The following TPD52 variants were observed in gnomAD, a reference collection of about 807,000 sequenced individuals.
The protein encoded by TPD52 is prostate and colon associated protein.
Under a neutral mutation model 31.3 loss-of-function variants are expected in TPD52, and 17 were observed. That is an observed-to-expected ratio of 0.54 (90% CI 0.37 to 0.82). The LOEUF (loss-of-function observed/expected upper bound fraction) is 0.82, where lower values mean the gene tolerates loss of function less well. TPD52 is among the 40% of genes least tolerant of loss of function. The pLI is 0.00. For missense variants in TPD52, 212 were observed against 240.1 expected, an observed-to-expected ratio of 0.88 and a Z score of 0.77; for synonymous variants, 83 against 89.6, an observed-to-expected ratio of 0.93 and a Z score of 0.42.
intron 1 of TPD52, among the ~76,000 whole-genome samples, chr8:80,119,636 G>A (rs1808112790): frequency 6.6e-6 from 1 of 152,078 alleles, no homozygotes; most frequent in Non-Finnish European, 1.5e-5. Flanking sequence ...TTTATACCTT[G>A]CTGTTCATGT....
At chr8:80,117,136 G>C (rs1461979944) in intron 1 of TPD52, among the ~76,000 whole-genome samples, 1 of 152,140 alleles carries the variant, frequency 6.6e-6, no homozygotes. Context: ...TTGAACTGGA[G>C]GTTCTAGCCA....
At chr8:80,149,176 G>T (rs1810404749) in intron 1 of TPD52, among the ~76,000 whole-genome samples, 1 of 152,164 alleles carries the variant, frequency 6.6e-6, no homozygotes, top group South Asian at 2.1e-4. Context: ...CGTGTGTTGT[G>T]GGAGGGACCC....
chr8:80,160,371 G>A (rs1811265373), intron 1 of TPD52, among the ~76,000 whole-genome samples: 2 of 152,082 alleles, frequency 1.3e-5, no homozygotes, highest in Non-Finnish European at 2.9e-5. Context: ...CTACCTTCCT[G>A]CAGCACTGAA....
At chr8:80,132,735 C>A (rs952368690) in intron 1 of TPD52, among the ~76,000 whole-genome samples, 1 of 152,192 alleles carries the variant, frequency 6.6e-6, no homozygotes, top group East Asian at 1.9e-4. Flanking sequence ...GAGCTGATGG[C>A]GCCAGAAGAT....
At position 80,038,058 on chromosome 8, in the gene TPD52, T is replaced by A; in HGVS notation, c.*58A>T. 5.0e-6 allele frequency: 8 copies of A among 1,589,462 alleles called. No homozygotes were observed. The South Asian group carries it at 7.8e-5, about 16-fold the overall frequency. ...TTCATGGCAATGCATGTTGACAAGA[T>A]GTGCTTGGACCTCGCTTGCAGCATC... is the stretch of plus-strand genomic sequence containing the variant. On this transcript the variant is annotated 3_prime_UTR_variant, in exon 8 of 8. Transcript: ENST00000518937.
rs1444581336 is a variant in TPD52, at chr8:80,042,815, A to G, written c.456-147T>C. ...CTGTACCATATATGTGCAGGTACAT[A>G]CAAGTATTTATAATGTAAGATTCTC... On this transcript the variant is annotated intron_variant, in intron 6 of 7. Coordinates refer to ENST00000518937, the MANE Select transcript of TPD52 (RefSeq NM_001025253.3). The G allele has an allele frequency of 1.5e-5, 9 of 608,110 alleles. No individual in the cohort carries two copies. In the East Asian group the frequency reaches 2.0e-4, roughly 14 times the overall value. 37.7% of individuals were successfully genotyped at this position (608,110 alleles called of 1,614,324 possible). A position where few individuals can be genotyped will look rare whatever the true frequency, so the allele number is the denominator to read the frequency against.
chr8:80,033,305 CGGGGA>C (rs1809738873), downstream of TPD52: 1 of 16,518 alleles, frequency 6.1e-5, no homozygotes. Flanking sequence ...ACCGGCGGGG[CGGGGA>C]GGGGGGTTGG....
intron 1 of TPD52, among the ~76,000 whole-genome samples, chr8:80,069,725 A>G (rs561014572): frequency 3.9e-5 from 6 of 152,352 alleles, no homozygotes; most frequent in Admixed American, 2.0e-4. Context: ...AATGAAACAA[A>G]AAATAATAGT....
In TPD52 at chr8:80,138,172, A is replaced by G. The variant is rs528394161; in HGVS notation, c.19+33253T>C. ...TGGTCAGGCTGGTGGTGAACTCCCG[A>G]CCTCAGGTGATCCGCTCGCCTCAGC... On this transcript the variant is annotated intron_variant, in intron 1 of 7. Coordinates refer to ENST00000518937, the MANE Select transcript of TPD52 (RefSeq NM_001025253.3). 2.4e-3 allele frequency among the ~76,000 whole-genome samples: 365 copies of G among 151,966 alleles called. 2 individuals carry two copies. Among genetic ancestry groups the G allele is most frequent in the African/African-American group, 8.3e-3 (343 of 41,428 alleles).
intron 7 of TPD52, among the ~76,000 whole-genome samples, chr8:80,040,726 C>T (rs1169190877): frequency 6.6e-6 from 1 of 152,134 alleles, no homozygotes; most frequent in Non-Finnish European, 1.5e-5. Flanking sequence ...TATAACAGTC[C>T]TAACAATATT....
intron 1 of TPD52, chr8:80,119,711 C>A: frequency 5.8e-6 from 1 of 173,656 alleles, no homozygotes; most frequent in Non-Finnish European, 1.2e-5. Flanking sequence ...AATATATGGC[C>A]TTTAAAACCA....
chr8:80,080,187 T>TGTTGTAG, intron 1 of TPD52: 1 of 702,244 alleles, frequency 1.4e-6, no homozygotes. Flanking sequence ...TAGAATAGCT[T>TGTTGTAG]ATTAGCTAGT....
chr8:80,170,575 C>G (rs1812011980), intron 1 of TPD52, among the ~76,000 whole-genome samples: 1 of 152,118 alleles, frequency 6.6e-6, no homozygotes, highest in Non-Finnish European at 1.5e-5. Context: ...AGGAGTGATT[C>G]CTATCCTCAC....
chr8:80,064,021 A>G, intron 2 of TPD52, among the ~76,000 whole-genome samples: 1 of 107,462 alleles, frequency 9.3e-6, no homozygotes, highest in Non-Finnish European at 1.8e-5. Context: ...GAAGGAAGGA[A>G]GGGAGAGAGG....
chr8:80,119,651 T>G (rs1808114323), intron 1 of TPD52, among the ~76,000 whole-genome samples: 1 of 152,172 alleles, frequency 6.6e-6, no homozygotes, highest in Admixed American at 6.5e-5. Flanking sequence ...TCATGTAAAA[T>G]TTGTTTCACA....
rs144373106 is a variant in TPD52 at position 80,109,318 on chromosome 8, G to A, written c.20-44725C>T. On this transcript the variant is annotated intron_variant, in intron 1 of 7. Coordinates refer to ENST00000518937, the MANE Select transcript of TPD52 (RefSeq NM_001025253.3). ...ACAAACTTTAAAAAGAACTTGTGCG[G>A]TCAATCACTATTCTTACTGCACTTA... 7.7e-3 allele frequency among the ~76,000 whole-genome samples: 1,176 copies of A among 152,224 alleles called. 15 individuals carry two copies. The highest frequency in any genetic ancestry group is 0.026 in the African/African-American group (1,075 of 41,522).
intron 1 of TPD52, among the ~76,000 whole-genome samples, chr8:80,136,200 TCA>T (rs1419034845): frequency 1.4e-5 from 1 of 72,220 alleles, no homozygotes; most frequent in Non-Finnish European, 3.2e-5. Context: ...ACAAGCACAC[TCA>T]CACACACATT....
intron 1 of TPD52, chr8:80,158,427 G>A (rs1468411432): frequency 6.6e-6 from 1 of 152,284 alleles, no homozygotes; most frequent in African/African-American, 2.4e-5. Flanking sequence ...CAAGTTCAAA[G>A]GTCACCTACT....
At chr8:80,153,075 G>A (rs1810695992) in intron 1 of TPD52, among the ~76,000 whole-genome samples, 2 of 152,200 alleles carry the variant, frequency 1.3e-5, no homozygotes, top group South Asian at 2.1e-4. Flanking sequence ...ACAAATGTGG[G>A]AGGAGAGTGC....
Sources: allele counts gnomAD v4.1 joint callset (sites outside exome capture counted in the v4.1 genomes callset), GRCh38; gene constraint gnomAD v4.1.1; transcripts MANE v1.5; gene names NCBI Gene and HGNC (gene_info 2026-07-23, HGNC 2026-07-21).